Variants in IMMP2L observed in about 807,000 individuals in gnomAD.
IMMP2L encodes inner mitochondrial membrane peptidase subunit 2.
A neutral mutation model predicts 19.3 loss-of-function variants in IMMP2L; 18 were observed. The observed-to-expected ratio is 0.93, with a 90% CI of 0.64 to 1.38. The LOEUF (loss-of-function observed/expected upper bound fraction) is 1.38, where lower values mean the gene tolerates loss of function less well. IMMP2L is among the 40% of genes most tolerant of loss of function. The probability of loss-of-function intolerance (pLI) is 0.00; values close to 1 mark genes in which losing one functional copy is unlikely to be tolerated. For missense variants in IMMP2L, 233 were observed against 218.2 expected (o/e 1.07, Z -0.43); for synonymous variants, 76 against 73.0 (o/e 1.04, Z -0.21).
intron 4 of IMMP2L, among the ~76,000 whole-genome samples, chr7:110,948,412 A>G (rs1024227505): frequency 6.6e-6 from 1 of 152,204 alleles, no homozygotes; most frequent in Non-Finnish European, 1.5e-5. Context: ...TTTAAAAGTT[A>G]TTAGCTCCAT....
intron 3 of IMMP2L, among the ~76,000 whole-genome samples, chr7:111,145,439 G>GGAA (rs988196107): frequency 2.8e-4 from 42 of 152,210 alleles, no homozygotes; most frequent in African/African-American, 9.9e-4. Context: ...GGCTCTATTA[G>GGAA]GAAGAATTAA....
At chr7:110,701,608 A>G (rs893938656) in intron 5 of IMMP2L, among the ~76,000 whole-genome samples, 15 of 152,218 alleles carry the variant, frequency 9.9e-5, no homozygotes, top group Non-Finnish European at 1.5e-4. Flanking sequence ...TTTTATTGGT[A>G]GAGACAGGGT....
chr7:111,059,040 T>G (rs1586010352), intron 3 of IMMP2L, among the ~76,000 whole-genome samples: 1 of 152,094 alleles, frequency 6.6e-6, no homozygotes, highest in Non-Finnish European at 1.5e-5. Context: ...TGGAGTGCAG[T>G]GGCGCAATCT....
intron 3 of IMMP2L, among the ~76,000 whole-genome samples, chr7:111,028,789 T>C (rs1827115428): frequency 6.6e-6 from 1 of 152,150 alleles, no homozygotes; most frequent in Non-Finnish European, 1.5e-5. Context: ...GAAAAGGTTA[T>C]GTATTTTAAA....
intron 3 of IMMP2L, among the ~76,000 whole-genome samples, chr7:111,413,429 T>C (rs866949531): frequency 9.9e-5 from 15 of 151,978 alleles, no homozygotes; most frequent in Middle Eastern, 3.4e-3. Flanking sequence ...ATGTATCTCA[T>C]ACATATAGAC....
chr7:110,958,307 G>A (rs944989590), intron 4 of IMMP2L, among the ~76,000 whole-genome samples: 2 of 151,962 alleles, frequency 1.3e-5, no homozygotes, highest in Non-Finnish European at 2.9e-5. Context: ...TAACAAACTT[G>A]ACCCAATATT....
At chr7:110,859,891 A>G (rs1807211284) in intron 5 of IMMP2L, among the ~76,000 whole-genome samples, 1 of 152,102 alleles carries the variant, frequency 6.6e-6, no homozygotes, top group South Asian at 2.1e-4. Context: ...ATTACAGACC[A>G]TCCTTCACAA....
intron 3 of IMMP2L, among the ~76,000 whole-genome samples, chr7:111,147,913 G>A (rs1355910186): frequency 6.6e-6 from 1 of 152,072 alleles, no homozygotes; most frequent in Non-Finnish European, 1.5e-5. Context: ...AGCTTTCTAT[G>A]CTTTTAAATT....
At chr7:111,445,811 A>T (rs2131842190) in intron 3 of IMMP2L, among the ~76,000 whole-genome samples, 1 of 152,238 alleles carries the variant, frequency 6.6e-6, no homozygotes, top group Non-Finnish European at 1.5e-5. Context: ...TCATCTCACT[A>T]GGGAGTGCCA....
chr7:110,702,522 C>T (rs1794353622), intron 5 of IMMP2L, among the ~76,000 whole-genome samples: 1 of 152,126 alleles, frequency 6.6e-6, no homozygotes, highest in African/African-American at 2.4e-5. Context: ...TAACTGACAT[C>T]TTAACAATAT....
intron 3 of IMMP2L, among the ~76,000 whole-genome samples, chr7:110,995,674 T>C (rs1822953009): frequency 1.3e-5 from 2 of 152,042 alleles, no homozygotes; most frequent in Admixed American, 1.3e-4. Flanking sequence ...GGCAGGACCT[T>C]ACAAACACAG....
intron 3 of IMMP2L, among the ~76,000 whole-genome samples, chr7:111,430,640 C>T (rs540897444): frequency 6.6e-6 from 1 of 151,886 alleles, no homozygotes; most frequent in South Asian, 2.1e-4. Flanking sequence ...GGTGTGATAA[C>T]TATTTTAAAC....
At chr7:111,044,242 T>A (rs948898988) in intron 3 of IMMP2L, among the ~76,000 whole-genome samples, 1 of 152,114 alleles carries the variant, frequency 6.6e-6, no homozygotes, top group Non-Finnish European at 1.5e-5. Flanking sequence ...TTGCCTTTGA[T>A]CTCTAAGGAC....
chr7:111,086,114 C>A (rs1796302334), intron 3 of IMMP2L, among the ~76,000 whole-genome samples: 1 of 151,910 alleles, frequency 6.6e-6, no homozygotes, highest in Non-Finnish European at 1.5e-5. Flanking sequence ...TACCCCTGAA[C>A]TTAAAATAAA....
intron 3 of IMMP2L, among the ~76,000 whole-genome samples, chr7:111,127,023 G>A (rs1801381233): frequency 6.6e-6 from 1 of 152,166 alleles, no homozygotes; most frequent in African/African-American, 2.4e-5. Context: ...TTTTGACAAT[G>A]TGGAAGGCAA....
At chr7:111,233,371 G>T (rs2129625275) in intron 3 of IMMP2L, among the ~76,000 whole-genome samples, 2 of 152,034 alleles carry the variant, frequency 1.3e-5, no homozygotes, top group Non-Finnish European at 1.5e-5. Flanking sequence ...ATTGCTTTTT[G>T]TAATAATGTA....
intron 3 of IMMP2L, among the ~76,000 whole-genome samples, chr7:111,016,491 A>C (rs1456085461): frequency 7.9e-6 from 1 of 126,780 alleles, no homozygotes; most frequent in East Asian, 2.2e-4. Flanking sequence ...TATATATTTT[A>C]TAATATATAT....
At chr7:111,489,169 G>A (rs1490858926) in intron 2 of IMMP2L, among the ~76,000 whole-genome samples, 7 of 148,888 alleles carry the variant, frequency 4.7e-5, no homozygotes, top group Admixed American at 2.0e-4. Flanking sequence ...TCAGCCTCCC[G>A]AGTAGCTGGG....
intron 3 of IMMP2L, among the ~76,000 whole-genome samples, chr7:111,074,767 G>A (rs1178330740): frequency 6.6e-6 from 1 of 151,954 alleles, no homozygotes; most frequent in African/African-American, 2.4e-5. Flanking sequence ...TTCATTTCTG[G>A]TTTTGGCCAA....
Sources: gnomAD v4.1 joint callset for allele counts (sites outside exome capture counted in the v4.1 genomes callset) on GRCh38, gnomAD v4.1.1 for gene constraint, MANE v1.5 for transcripts, NCBI Gene and HGNC (gene_info 2026-07-23, HGNC 2026-07-21) for gene names.